The following AP1M1 variants were observed in gnomAD, a reference collection of about 807,000 sequenced individuals.
The protein encoded by AP1M1 is adaptor related protein complex 1 subunit mu 1.
A neutral mutation model predicts 57.1 loss-of-function variants in AP1M1; 18 were observed. The ratio of observed to expected loss-of-function variants is 0.32; its 90% CI spans 0.22 to 0.47. The LOEUF (loss-of-function observed/expected upper bound fraction) is 0.47, where lower values mean the gene tolerates loss of function less well. AP1M1 is among the 20% of genes least tolerant of loss of function. AP1M1 has a pLI of 1.00. For missense variants in AP1M1, 362 were observed against 593.5 expected, an observed-to-expected ratio of 0.61 and a Z score of 4.05; for synonymous variants, 241 against 237.9, an observed-to-expected ratio of 1.01 and a Z score of -0.12.
Position 16,236,805 on chromosome 19 carries a change from C to T in AP1M1, c.*2370C>T, listed in dbSNP as rs1056721774. On this transcript the variant is annotated 3_prime_UTR_variant, in exon 12 of 12. Coordinates refer to ENST00000291439, the MANE Select transcript of AP1M1 (RefSeq NM_032493.4). ...AACTTCATGCCTTGTTACCTAAGAT[C>T]CTCGCACACAATAGACCCTCAACAT... The T allele has an allele frequency of 6.6e-6, 1 of 152,194 alleles. No individual in the cohort carries two copies. The highest frequency in any genetic ancestry group is 6.5e-5 in the Admixed American group (1 of 15,274). The allele number at this position is 152,194 out of a possible 1,614,324, so 9.4% of individuals were successfully genotyped here.
chr19:16,225,545 G>A (rs2091567507), intron 5 of AP1M1, among the ~76,000 whole-genome samples: 1 of 152,232 alleles, frequency 6.6e-6, no homozygotes, highest in African/African-American at 2.4e-5. Flanking sequence ...CAGGCTAGGG[G>A]GTGCAGGACC....
At position 16,209,126 on chromosome 19, in the gene AP1M1, G is replaced by A. The variant is rs372999997; in HGVS notation, c.495G>A (p.Lys165=). 63 of 1,614,134 alleles carry A rather than the reference G, an allele frequency of 3.9e-5. No individual in the cohort carries two copies. Among genetic ancestry groups the A allele is most frequent in the Non-Finnish European group, 4.9e-5 (58 of 1,180,056 alleles). Reference sequence around the variant, plus strand: ...TGTCCTGGCGGTCCGAAGGCATCAAGTATCGGAAGAATGAGGTGTTCTTGG... The same window carrying A: ...TGTCCTGGCGGTCCGAAGGCATCAAATATCGGAAGAATGAGGTGTTCTTGG... The part of the protein sequence containing the change: ...NAVSWRSEGI[K]YRKNEVFLDV... The change falls in exon 5 of 12, where the codon AAG becomes AAA. Residue 165 remains lysine, a synonymous_variant. Coordinates refer to ENST00000291439, the MANE Select transcript of AP1M1 (RefSeq NM_032493.4).
chr19:16,220,129 C>T (rs2091537248), intron 5 of AP1M1, among the ~76,000 whole-genome samples: 1 of 152,158 alleles, frequency 6.6e-6, no homozygotes, highest in Non-Finnish European at 1.5e-5. Context: ...ATTCTTTAAA[C>T]ATTTGTTAGA....
At chr19:16,199,099 G>A (rs2091436970) in intron 1 of AP1M1, among the ~76,000 whole-genome samples, 1 of 152,178 alleles carries the variant, frequency 6.6e-6, no homozygotes, top group African/African-American at 2.4e-5. Context: ...TGAGTCATGT[G>A]CCAGGGCTCA....
chr19:16,199,181 A>G (rs569622488), intron 1 of AP1M1, among the ~76,000 whole-genome samples: 25 of 152,098 alleles, frequency 1.6e-4, no homozygotes, highest in Non-Finnish European at 2.6e-4. Context: ...ACACAAATAA[A>G]TGTCAATTGC....
At chr19:16,213,994 G>A (rs1052602033) in intron 5 of AP1M1, among the ~76,000 whole-genome samples, 3 of 151,280 alleles carry the variant, frequency 2.0e-5, no homozygotes, top group Admixed American at 1.3e-4. Context: ...AGTGTTACTT[G>A]TCTGTGTACT....
chr19:16,202,320 C>T (rs912681307), intron 1 of AP1M1, among the ~76,000 whole-genome samples: 2 of 152,220 alleles, frequency 1.3e-5, no homozygotes, highest in African/African-American at 2.4e-5. Flanking sequence ...GCAGCTGCTC[C>T]AGGCAGCATC....
At chr19:16,232,610 G>A (rs10416660) in intron 9 of AP1M1, among the ~76,000 whole-genome samples, 2,257 of 152,306 alleles carry the variant, frequency 0.015, 45 homozygotes, top group African/African-American at 0.042. Flanking sequence ...GTCAGGCAGA[G>A]TCCTCACTCT....
Position 16,203,394 on chromosome 19 carries a change from G to C in AP1M1, c.43-65G>C, listed in dbSNP as rs963537590. The C allele has an allele frequency of 1.0e-5, 16 of 1,577,958 alleles. No individual in the cohort carries two copies. Among genetic ancestry groups the C allele is most frequent in the Middle Eastern group, 3.4e-4 (2 of 5,970 alleles). ...AGCAGGGTGGTGCATCTCACCCCCT[G>C]CCCCAAGCCCCCAGATTGTAGAACT... On this transcript the variant is annotated intron_variant, in intron 1 of 11. Transcript: ENST00000291439. The surrounding 1 kb of genome is among the most constrained non-coding windows in gnomAD (Gnocchi z 4.6).
At chr19:16,222,207 TA>T (rs771685835) in intron 5 of AP1M1, among the ~76,000 whole-genome samples, 8,578 of 132,592 alleles carry the variant, frequency 0.065, 482 homozygotes, top group East Asian at 0.25. Context: ...CTATTATTAT[TA>T]TTATTTTTTT....
At position 16,198,086 on chromosome 19, in the gene AP1M1, C is replaced by A. The variant is rs762106411; in HGVS notation, c.42+18C>A. 22 of 1,594,132 alleles carry A rather than the reference C, an allele frequency of 1.4e-5. No individual in the cohort carries two copies. Among genetic ancestry groups the A allele is most frequent in the Admixed American group, 1.2e-4 (7 of 58,344 alleles). On this transcript the variant is annotated intron_variant, in intron 1 of 11. Transcript: ENST00000291439. ...AGGGCAAGGTACTGAGGGCTCCCCA[C>A]CCTCCCTGTTGCCAGGCAACCGGCA...
chr19:16,215,776 A>G (rs1346003292), intron 5 of AP1M1, among the ~76,000 whole-genome samples: 1 of 152,002 alleles, frequency 6.6e-6, no homozygotes, highest in Non-Finnish European at 1.5e-5. Context: ...AGTTGCTTCC[A>G]TTTTCCCCAT....
rs1379599921 is a variant in AP1M1 at position 16,228,606 on chromosome 19, G to C, written c.889-164G>C. Among the ~76,000 whole-genome samples the C allele has an allele frequency of 6.6e-6, 1 of 152,184 alleles. No individual in the cohort carries two copies. Among genetic ancestry groups the C allele is most frequent in the East Asian group, 1.9e-4 (1 of 5,182 alleles). ...AAACTCCTGAAATTAGGTCTTGGGA[G>C]AGTCTCGAGGGCAGGAGAAGGGGTG... On this transcript the variant is annotated intron_variant, in intron 8 of 11. Transcript: ENST00000291439. The surrounding 1 kb of genome is among the most constrained non-coding windows in gnomAD (Gnocchi z 5.0).
chr19:16,210,662 C>T (rs952029310), intron 5 of AP1M1, among the ~76,000 whole-genome samples: 5 of 152,244 alleles, frequency 3.3e-5, no homozygotes, highest in African/African-American at 1.2e-4. Context: ...CAGGCTTAAG[C>T]GATTCTCCTG....
In AP1M1 at chr19:16,228,202, G is replaced by A; in HGVS notation, c.882G>A (p.Met294Ile). ...ACTCCCACAGCCGCATCGAGTACAT[G>A]ATCAAGGTGCGTGGGCCGAGGCCAC... ...EKHSHSRIEY[M>I]IKAKSQFKRR... is the part of the protein sequence containing the mutation. Residue 294 changes from methionine to isoleucine, a missense_variant, in exon 8 of 12, where the codon ATG (methionine) becomes ATA (isoleucine). Coordinates refer to ENST00000291439, the MANE Select transcript of AP1M1 (RefSeq NM_032493.4). This position sits in a 1 kb window ranked among gnomAD's most constrained non-coding sequence, Gnocchi z 5.0. 6.2e-7 allele frequency: 1 copy of A among 1,613,706 alleles called. No homozygotes were observed. The highest frequency in any genetic ancestry group is 8.5e-7 in the Non-Finnish European group (1 of 1,180,018).
rs542534393 is a variant in AP1M1, at chr19:16,218,319, G to A, written c.547-8102G>A. ...CCGGGCTGTCTCAGTTTTGGGGCTC[G>A]CCTGCCCTGCATCACTACCACTTCT... On this transcript the variant is annotated intron_variant, in intron 5 of 11. Transcript: ENST00000291439. 3.1e-4 allele frequency among the ~76,000 whole-genome samples: 47 copies of A among 152,286 alleles called. No individual in the cohort carries two copies. In the South Asian group the frequency reaches 5.0e-3, roughly 16 times the overall value.
chr19:16,203,562 T>C lies in AP1M1; in HGVS notation c.146T>C (p.Ile49Thr), dbSNP rs2091457657. ...EKEEEGMLSPILAHGGVRFMW... is the reference protein window; with the variant it reads ...EKEEEGMLSPTLAHGGVRFMW... ...GAGGAGGAGGGGATGCTGTCGCCCA[T>C]CCTGGCCCACGGGGGGGTCCGTTTC... The change falls in exon 2 of 12, where the codon ATC (isoleucine) becomes ACC (threonine). Residue 49 changes from isoleucine (I) to threonine (T), a missense_variant. Around this residue, in one of 2 missense-constraint regions of AP1M1, gnomAD observed 337 missense variants for 511.1 expected, o/e 0.66. Coordinates refer to ENST00000291439, the MANE Select transcript of AP1M1 (RefSeq NM_032493.4). This position sits in a 1 kb window ranked among gnomAD's most constrained non-coding sequence, Gnocchi z 4.6. 3 of 1,614,086 alleles carry C rather than the reference T, an allele frequency of 1.9e-6. No homozygotes were observed. Among genetic ancestry groups the C allele is most frequent in the Non-Finnish European group, 2.5e-6 (3 of 1,179,972 alleles).
intron 5 of AP1M1, among the ~76,000 whole-genome samples, chr19:16,222,042 C>T (rs1271556450): frequency 6.6e-6 from 1 of 151,998 alleles, no homozygotes. Context: ...ACATGAAAGA[C>T]CTTTGGTTAT....
chr19:16,216,282 A>G (rs1358316043), intron 5 of AP1M1, among the ~76,000 whole-genome samples: 2 of 152,090 alleles, frequency 1.3e-5, no homozygotes, highest in Non-Finnish European at 2.9e-5. Flanking sequence ...CATCTCTACT[A>G]AAAATACAAA....
Sources: allele counts gnomAD v4.1 joint callset (sites outside exome capture counted in the v4.1 genomes callset), GRCh38; gene constraint gnomAD v4.1.1; regional missense constraint gnomAD v4.1.1; non-coding constraint Gnocchi (gnomAD v3.1); transcripts MANE v1.5; gene names NCBI Gene and HGNC (gene_info 2026-07-23, HGNC 2026-07-21).